Variants in GPM6A observed in about 807,000 individuals in gnomAD.
GPM6A encodes the protein glycoprotein M6A.
Under a neutral mutation model 32.1 loss-of-function variants are expected in GPM6A, and 7 were observed. The ratio of observed to expected loss-of-function variants is 0.22; its 90% CI spans 0.12 to 0.41. GPM6A has a LOEUF of 0.41. GPM6A is among the 10% of genes least tolerant of loss of function. The pLI, the probability that GPM6A is intolerant of heterozygous loss-of-function variation, is 1.00. For synonymous variants in GPM6A, 130 were observed against 123.4 expected (o/e 1.05, Z -0.35); for missense variants, 235 against 347.2 (o/e 0.68, Z 2.57).
intron 4 of GPM6A, among the ~76,000 whole-genome samples, chr4:175,649,804 T>C (rs1741676474): frequency 6.6e-6 from 1 of 152,206 alleles, no homozygotes; most frequent in Admixed American, 6.5e-5. Flanking sequence ...TATAACTATA[T>C]CCCATACAAT....
upstream of GPM6A, chr4:175,812,864 T>C (rs1164835974): frequency 3.0e-6 from 3 of 985,224 alleles, no homozygotes; most frequent in African/African-American, 1.7e-5. Flanking sequence ...AAGTATTTAG[T>C]TAATTTGATT....
intron 4 of GPM6A, among the ~76,000 whole-genome samples, chr4:175,648,917 A>G (rs1396758596): frequency 6.6e-6 from 1 of 152,236 alleles, no homozygotes; most frequent in East Asian, 1.9e-4. Flanking sequence ...CCCCATTGAA[A>G]GTAATCTCAC....
intron 1 of GPM6A, among the ~76,000 whole-genome samples, chr4:176,001,830 T>C (rs1741491277): frequency 6.6e-6 from 1 of 152,206 alleles, no homozygotes; most frequent in South Asian, 2.1e-4. Flanking sequence ...GTGGAAGTTT[T>C]AGGAAGTTTC....
At chr4:175,861,749 G>GAAAAAAAAAAAAAAAAAAAAAAAA (rs10716525) in intron 1 of GPM6A, among the ~76,000 whole-genome samples, 1 of 87,242 alleles carries the variant, frequency 1.1e-5, no homozygotes, top group Non-Finnish European at 2.2e-5. Context: ...AAGAGACTCT[G>GAAAAAAAAAAAAAAAAAAAAAAAA]AAAAAAAAAA....
At chr4:175,958,712 T>C (rs973866603) in intron 1 of GPM6A, among the ~76,000 whole-genome samples, 6 of 152,198 alleles carry the variant, frequency 3.9e-5, no homozygotes, top group African/African-American at 1.4e-4. Context: ...TAGGGTGTGA[T>C]CTACTCACAT....
intron 3 of GPM6A, 32 bp downstream of exon 3, chr4:175,673,648 C>T: frequency 6.5e-7 from 1 of 1,526,768 alleles, no homozygotes; most frequent in South Asian, 1.2e-5. Context: ...AATCAATCCA[C>T]ATTAAATACT....
At chr4:175,778,362 C>T (rs1014732724) in intron 1 of GPM6A, among the ~76,000 whole-genome samples, 1 of 151,896 alleles carries the variant, frequency 6.6e-6, no homozygotes, top group Non-Finnish European at 1.5e-5. Context: ...GGCCTAGGTG[C>T]GGTGGCTCAT....
rs940121185 is a variant in GPM6A, at chr4:175,947,077, T to C, written c.-23+55232A>G. The stretch of plus-strand genomic sequence containing the variant: ...TCTTCAAGCCTAGATATATTAATCA[T>C]CATCTTCATTAAAATCCATTTGATG... On this transcript the variant is annotated intron_variant, in intron 1 of 7. Coordinates refer to the GPM6A transcript ENST00000280187. Among the ~76,000 whole-genome samples the C allele has an allele frequency of 3.3e-5, 5 of 152,254 alleles. 1 individual carries two copies. The East Asian group carries it at 9.7e-4, about 29-fold the overall frequency.
chr4:175,998,862 A>T (rs948123633), intron 1 of GPM6A, among the ~76,000 whole-genome samples: 13 of 152,130 alleles, frequency 8.5e-5, no homozygotes, highest in Non-Finnish European at 1.6e-4. Flanking sequence ...CACTAATCTC[A>T]TTATGTCTTC....
intron 1 of GPM6A, among the ~76,000 whole-genome samples, chr4:175,820,500 C>CTTTTTTTTTTTTTTTTTTT (rs66569311): frequency 8.9e-6 from 1 of 112,124 alleles, no homozygotes; most frequent in African/African-American, 3.4e-5. Context: ...TCTTTTCTTT[C>CTTTTTTTTTTTTTTTTTTT]TTTTTTTTTT....
At position 175,640,749 on chromosome 4, in the gene GPM6A, T is replaced by C; in HGVS notation, c.618+4A>G. 6.3e-7 allele frequency: 1 copy of C among 1,588,430 alleles called. No homozygotes were observed. Among genetic ancestry groups the C allele is most frequent in the Non-Finnish European group, 8.6e-7 (1 of 1,157,906 alleles). ...ACAAAATTAAAGGCTGTAAAAACAC[T>C]CACCTCAGTAGATTCGCACATCCTC... On this transcript the variant is annotated splice_donor_region_variant and intron_variant, in intron 5 of 6. Coordinates refer to ENST00000393658, the MANE Select transcript of GPM6A (RefSeq NM_201591.3).
At chr4:175,711,080 C>T (rs73002185) in intron 1 of GPM6A, among the ~76,000 whole-genome samples, 108 of 152,174 alleles carry the variant, frequency 7.1e-4, no homozygotes, top group African/African-American at 2.4e-3. Flanking sequence ...ACTCTCTTGA[C>T]AGTACATCAA....
At chr4:175,932,657 A>G in intron 1 of GPM6A, among the ~76,000 whole-genome samples, 1 of 152,188 alleles carries the variant, frequency 6.6e-6, no homozygotes. Flanking sequence ...TAACATGTAT[A>G]GAAAGAAAAT....
chr4:175,984,022 G>C (rs912107208), intron 1 of GPM6A, among the ~76,000 whole-genome samples: 42 of 138,420 alleles, frequency 3.0e-4, no homozygotes, highest in African/African-American at 1.3e-3. Flanking sequence ...CTCTCTCTCT[G>C]TCACACACAC....
At chr4:175,642,473 C>A (rs186962668) in intron 4 of GPM6A, among the ~76,000 whole-genome samples, 225 of 152,262 alleles carry the variant, frequency 1.5e-3, no homozygotes, top group Non-Finnish European at 2.8e-3. Context: ...CCTAACCCCC[C>A]TCCATGGAAA....
At chr4:175,899,491 C>T (rs568989172) in intron 1 of GPM6A, among the ~76,000 whole-genome samples, 2 of 152,072 alleles carry the variant, frequency 1.3e-5, no homozygotes, top group South Asian at 2.1e-4. Context: ...ATTATGATAA[C>T]CAAAACAGCA....
At chr4:175,810,455 C>T (rs1345278934) in intron 1 of GPM6A, among the ~76,000 whole-genome samples, 2 of 152,042 alleles carry the variant, frequency 1.3e-5, no homozygotes, top group African/African-American at 4.8e-5. Flanking sequence ...AGGAAAAACC[C>T]ACTGTGACAG....
chr4:175,860,719 G>T (rs1390263316), intron 1 of GPM6A, among the ~76,000 whole-genome samples: 1 of 152,164 alleles, frequency 6.6e-6, no homozygotes. Context: ...CAACAGTAAA[G>T]ATCACTCATC....
At chr4:175,636,295 T>TATACAC (rs1740605028) in intron 6 of GPM6A, among the ~76,000 whole-genome samples, 2 of 133,400 alleles carry the variant, frequency 1.5e-5, no homozygotes, top group Non-Finnish European at 3.2e-5. Flanking sequence ...TATATATATA[T>TATACAC]ATACATATAT....
Sources: gnomAD v4.1 joint callset for allele counts (sites outside exome capture counted in the v4.1 genomes callset) on GRCh38, gnomAD v4.1.1 for gene constraint, MANE v1.5 for transcripts, NCBI Gene and HGNC (gene_info 2026-07-23, HGNC 2026-07-21) for gene names.